Variants in WWOX observed in about 807,000 individuals in gnomAD.
WWOX encodes WW domain containing oxidoreductase.
A neutral mutation model predicts 46.2 loss-of-function variants in WWOX; 69 were observed. That is an observed-to-expected ratio of 1.49 (90% confidence interval 1.23 to 1.82). WWOX has a LOEUF of 1.82. Ranked by LOEUF, WWOX falls within the 40% of genes most tolerant of loss-of-function variation. WWOX has a pLI of 0.00. For missense variants in WWOX, 919 were observed against 542.6 expected (o/e 1.69, Z -6.89); for synonymous variants, 359 against 202.6 (o/e 1.77, Z -6.56).
At chr16:79,167,855 G>A (rs986195407) in intron 8 of WWOX, among the ~76,000 whole-genome samples, 1 of 152,050 alleles carries the variant, frequency 6.6e-6, no homozygotes. Flanking sequence ...TCAAAACTTT[G>A]TCATCACCCC....
At chr16:78,760,213 G>T (rs985874550) in intron 8 of WWOX, among the ~76,000 whole-genome samples, 1 of 152,116 alleles carries the variant, frequency 6.6e-6, no homozygotes, top group Non-Finnish European at 1.5e-5. Context: ...GGAGTTTCCC[G>T]TTATAAAAAC....
At chr16:78,945,393 C>G (rs1003428878) in intron 8 of WWOX, among the ~76,000 whole-genome samples, 6 of 152,122 alleles carry the variant, frequency 3.9e-5, no homozygotes, top group Non-Finnish European at 1.5e-5. Context: ...GAAATCCACC[C>G]TTAGTTTTAA....
chr16:78,949,703 C>T (rs1047526195), intron 8 of WWOX, among the ~76,000 whole-genome samples: 6 of 152,194 alleles, frequency 3.9e-5, no homozygotes, highest in African/African-American at 1.2e-4. Flanking sequence ...TTTTGAGCAT[C>T]GTGCCATAGC....
intron 8 of WWOX, among the ~76,000 whole-genome samples, chr16:78,941,634 A>G (rs868562307): frequency 6.6e-6 from 1 of 152,132 alleles, no homozygotes; most frequent in Non-Finnish European, 1.5e-5. Flanking sequence ...AGTGCTCAGA[A>G]AATAGAGCAT....
chr16:78,146,735 C>A (rs764588202), intron 4 of WWOX, among the ~76,000 whole-genome samples: 7 of 152,098 alleles, frequency 4.6e-5, no homozygotes, highest in Non-Finnish European at 1.0e-4. Context: ...TTTCTTTTAC[C>A]AATTGTATGC....
chr16:78,322,774 G>A (rs953634403), intron 5 of WWOX, among the ~76,000 whole-genome samples: 1 of 152,198 alleles, frequency 6.6e-6, no homozygotes, highest in African/African-American at 2.4e-5. Context: ...TTTTGCAACT[G>A]TTCCACTTTG....
At chr16:78,143,384 G>T (rs560719370) in intron 4 of WWOX, among the ~76,000 whole-genome samples, 4 of 152,130 alleles carry the variant, frequency 2.6e-5, no homozygotes, top group African/African-American at 9.7e-5. Flanking sequence ...GTTTAGAACC[G>T]AATGTTAAAA....
intron 8 of WWOX, among the ~76,000 whole-genome samples, chr16:79,177,253 A>C (rs765480058): frequency 6.6e-6 from 1 of 152,136 alleles, no homozygotes; most frequent in Non-Finnish European, 1.5e-5. Context: ...GTTGTGGCCG[A>C]CTGAAAAGCG....
At chr16:78,444,900 G>GT (rs1406657784) in intron 8 of WWOX, among the ~76,000 whole-genome samples, 3 of 152,126 alleles carry the variant, frequency 2.0e-5, no homozygotes, top group Admixed American at 1.3e-4. Context: ...TGCTGTTACT[G>GT]TTTTTCCCTT....
rs1048779517 is a variant in WWOX at position 78,839,689 on chromosome 16, G to A, written c.1057-371919G>A. 2.6e-5 allele frequency among the ~76,000 whole-genome samples: 4 copies of A among 152,042 alleles called. No individual in the cohort carries two copies. In the South Asian group the frequency reaches 6.2e-4, roughly 24 times the overall value. ...GGGGTAGAATAAGGTTAGGCTGGAG[G>A]GCATATCTGATTTGGAAAATACATC... On this transcript the variant is annotated intron_variant, in intron 8 of 8. Coordinates refer to ENST00000566780, the MANE Select transcript of WWOX (RefSeq NM_016373.4).
chr16:79,132,188 C>G (rs990443687), intron 8 of WWOX, among the ~76,000 whole-genome samples: 6 of 151,556 alleles, frequency 4.0e-5, no homozygotes, highest in Admixed American at 3.9e-4. Context: ...GTCCTACATC[C>G]CTGTACTTGG....
chr16:79,150,053 C>G (rs980312980), intron 8 of WWOX, among the ~76,000 whole-genome samples: 2 of 152,218 alleles, frequency 1.3e-5, no homozygotes, highest in African/African-American at 2.4e-5. Flanking sequence ...ACGTTCTTCT[C>G]TGATTAGGCC....
chr16:78,868,489 C>A (rs1597083478), intron 8 of WWOX, among the ~76,000 whole-genome samples: 1 of 152,018 alleles, frequency 6.6e-6, no homozygotes, highest in Admixed American at 6.5e-5. Flanking sequence ...TAACATCAAA[C>A]TGTATATTTA....
At chr16:78,165,553 A>C (rs1366029346) in intron 5 of WWOX, among the ~76,000 whole-genome samples, 1 of 152,100 alleles carries the variant, frequency 6.6e-6, no homozygotes. Context: ...GGGTAGGGGA[A>C]TGGCAGGTGC....
intron 8 of WWOX, among the ~76,000 whole-genome samples, chr16:78,934,398 A>C (rs1273068297): frequency 6.7e-6 from 1 of 148,490 alleles, no homozygotes; most frequent in South Asian, 2.1e-4. Flanking sequence ...AGTCCTAGCT[A>C]CTTGGAAGGC....
intron 8 of WWOX, among the ~76,000 whole-genome samples, chr16:78,589,584 C>G (rs1005764227): frequency 6.6e-6 from 1 of 152,108 alleles, no homozygotes; most frequent in East Asian, 1.9e-4. Flanking sequence ...TGCAAGGGCC[C>G]TTGGTTAAGT....
intron 8 of WWOX, among the ~76,000 whole-genome samples, chr16:78,523,977 C>G (rs1432291960): frequency 6.6e-6 from 1 of 152,192 alleles, no homozygotes; most frequent in Non-Finnish European, 1.5e-5. Flanking sequence ...TTAACATGTG[C>G]TACTATACAA....
intron 8 of WWOX, among the ~76,000 whole-genome samples, chr16:78,541,972 C>G (rs1343929289): frequency 8.6e-6 from 1 of 116,566 alleles, no homozygotes; most frequent in East Asian, 3.1e-4. Flanking sequence ...GGATTGGTGT[C>G]ATGTTTGAAG....
At chr16:78,406,884 C>T (rs1267660414) in intron 6 of WWOX, among the ~76,000 whole-genome samples, 2 of 152,186 alleles carry the variant, frequency 1.3e-5, no homozygotes, top group Non-Finnish European at 2.9e-5. Flanking sequence ...CTTCAGCCTC[C>T]CAAAGTGCTG....
Sources: gnomAD v4.1 joint callset for allele counts (sites outside exome capture counted in the v4.1 genomes callset) on GRCh38, gnomAD v4.1.1 for gene constraint, MANE v1.5 for transcripts, NCBI Gene and HGNC (gene_info 2026-07-23, HGNC 2026-07-21) for gene names.